Variants in TESK2 observed in about 807,000 individuals in gnomAD.
TESK2 encodes dual specificity testis-specific protein kinase 2.
In TESK2, 39 loss-of-function variants were observed where a neutral mutation model predicts 57.1. The ratio of observed to expected loss-of-function variants is 0.68; its 90% CI spans 0.53 to 0.89. The LOEUF is 0.89. Ranked by LOEUF, TESK2 falls within the 40% of genes least tolerant of loss-of-function variation. The probability of loss-of-function intolerance (pLI) is 0.00; values close to 1 mark genes in which losing one functional copy is unlikely to be tolerated. For synonymous variants in TESK2, 249 were observed against 267.9 expected (o/e 0.93, Z 0.69); for missense variants, 646 against 732.1 (o/e 0.88, Z 1.36).
At chr1:45,465,935 A>T (rs1652532775) in intron 1 of TESK2, among the ~76,000 whole-genome samples, 1 of 152,232 alleles carries the variant, frequency 6.6e-6, no homozygotes, top group African/African-American at 2.4e-5. Flanking sequence ...GTAGTTAGCG[A>T]TATTATTAAA....
intron 8 of TESK2, 42 bp from the exon 9 acceptor site, chr1:45,346,821 T>TC (rs745614998): frequency 6.9e-6 from 11 of 1,587,288 alleles, no homozygotes; most frequent in Non-Finnish European, 8.6e-6. Context: ...AGTTCATTAA[T>TC]CCCCCCACCC....
At chr1:45,459,397 G>A (rs1045208108) in intron 1 of TESK2, among the ~76,000 whole-genome samples, 1 of 152,160 alleles carries the variant, frequency 6.6e-6, no homozygotes, top group Admixed American at 6.5e-5. Flanking sequence ...AGATCTACCT[G>A]AATCTAGTTA....
intron 2 of TESK2, among the ~76,000 whole-genome samples, chr1:45,428,447 T>C (rs1342698344): frequency 6.6e-6 from 1 of 152,150 alleles, no homozygotes; most frequent in Non-Finnish European, 1.5e-5. Flanking sequence ...AACATGGTCT[T>C]GTAATATAGA....
rs527648669 is a variant in TESK2, at chr1:45,347,093, T to A, written c.709-31A>T. 2.5e-6 allele frequency: 4 copies of A among 1,603,554 alleles called. No homozygotes were observed. The Admixed American group carries it at 6.7e-5, about 27-fold the overall frequency. On this transcript the variant is annotated intron_variant, in intron 7 of 10. Coordinates refer to ENST00000372086, the MANE Select transcript of TESK2 (RefSeq NM_007170.3). Reference sequence around the variant, plus strand: ...GGGTAGTCGGACTTTGGTTTCCCTCTTAATGGGTTGAGGGGTAGGGTATCT... The same window carrying A: ...GGGTAGTCGGACTTTGGTTTCCCTCATAATGGGTTGAGGGGTAGGGTATCT...
chr1:45,360,260 G>C (rs1647625057), intron 4 of TESK2, among the ~76,000 whole-genome samples: 1 of 152,212 alleles, frequency 6.6e-6, no homozygotes, highest in Non-Finnish European at 1.5e-5. Flanking sequence ...TAAGTGGGCA[G>C]TGAAGCTGAC....
chr1:45,393,402 A>G (rs1233533693), intron 3 of TESK2, among the ~76,000 whole-genome samples: 1 of 152,126 alleles, frequency 6.6e-6, no homozygotes, highest in Non-Finnish European at 1.5e-5. Context: ...CCACATCCAA[A>G]GTGGTGTCAC....
At chr1:45,384,411 CTATCTATCTATCTATCTATG>C (rs1648791962) in intron 4 of TESK2, among the ~76,000 whole-genome samples, 2 of 151,170 alleles carry the variant, frequency 1.3e-5, no homozygotes, top group Non-Finnish European at 2.9e-5. Context: ...ATCTATCTAT[CTATCTATCTATCTATCTATG>C]TATCTAGAGA....
intron 8 of TESK2, 48 bp from the exon 9 acceptor site, chr1:45,346,827 C>T (rs749351552): frequency 3.8e-6 from 6 of 1,579,534 alleles, no homozygotes; most frequent in African/African-American, 1.3e-5. Context: ...TTAATCCCCC[C>T]ACCCATCCTA....
intron 4 of TESK2, among the ~76,000 whole-genome samples, chr1:45,358,548 G>A (rs1050307322): frequency 6.6e-6 from 1 of 151,992 alleles, no homozygotes; most frequent in Non-Finnish European, 1.5e-5. Flanking sequence ...TATCTAAATT[G>A]TTTCAGGCAC....
chr1:45,383,479 T>A (rs913276844), intron 4 of TESK2, among the ~76,000 whole-genome samples: 1 of 152,164 alleles, frequency 6.6e-6, no homozygotes, highest in Non-Finnish European at 1.5e-5. Context: ...TACTCTTCCA[T>A]AAAGTACACA....
intron 4 of TESK2, 93 bp downstream of exon 4, chr1:45,385,819 A>AT (rs758368342): frequency 7.1e-6 from 6 of 849,244 alleles, no homozygotes; most frequent in East Asian, 2.8e-5. Flanking sequence ...ATGCACATAC[A>AT]TTTTGTTTAC....
chr1:45,398,958 C>T (rs967364225), intron 3 of TESK2: 20 of 429,054 alleles, frequency 4.7e-5, no homozygotes, highest in Admixed American at 3.3e-4. Flanking sequence ...TCCACCTCTA[C>T]CCAACCTCCA....
At chr1:45,382,072 A>G (rs887632818) in intron 4 of TESK2, among the ~76,000 whole-genome samples, 1 of 151,750 alleles carries the variant, frequency 6.6e-6, no homozygotes, top group African/African-American at 2.4e-5. Flanking sequence ...GGGTCTCACT[A>G]TGTTGCCAAG....
chr1:45,348,327 T>C (rs749078263), intron 5 of TESK2, among the ~76,000 whole-genome samples: 4 of 152,222 alleles, frequency 2.6e-5, no homozygotes, highest in Non-Finnish European at 5.9e-5. Flanking sequence ...CTCTTGGAGC[T>C]TGCAATATAG....
At chr1:45,373,088 ATAATACT>A (rs1049881487) in intron 4 of TESK2, among the ~76,000 whole-genome samples, 75 of 152,072 alleles carry the variant, frequency 4.9e-4, no homozygotes, top group Non-Finnish European at 9.7e-4. Flanking sequence ...CAACAACGTG[ATAATACT>A]TAATACTAAC....
intron 2 of TESK2, among the ~76,000 whole-genome samples, chr1:45,439,027 A>G (rs965802082): frequency 5.9e-5 from 9 of 152,174 alleles, no homozygotes; most frequent in African/African-American, 2.2e-4. Flanking sequence ...GCCACCGTAG[A>G]AGCACCAGCA....
chr1:45,344,176 A>G lies in TESK2; in HGVS notation c.*664T>C, dbSNP rs1162598038. ...AGCCCCACTCCCAACCACAAGGTTG[A>G]AAGTCTTATGGGGCAGAACATTAAG... On this transcript the variant is annotated 3_prime_UTR_variant, in exon 11 of 11. Transcript: ENST00000372086. 1 of 161,794 alleles carries G rather than the reference A, an allele frequency of 6.2e-6. No individual in the cohort carries two copies. Among genetic ancestry groups the G allele is most frequent in the Admixed American group, 5.8e-5 (1 of 17,382 alleles). 10.0% of individuals were successfully genotyped at this position (161,794 alleles called of 1,614,324 possible). A position where few individuals can be genotyped will look rare whatever the true frequency, so the allele number is the denominator to read the frequency against.
At chr1:45,346,611 A>G (rs1647147634) in intron 9 of TESK2, 82 bp downstream of exon 9, 13 of 1,192,146 alleles carry the variant, frequency 1.1e-5, no homozygotes, top group South Asian at 2.7e-5. Context: ...GAAGCTAATT[A>G]GCAGCCTCTC....
chr1:45,436,194 T>A (rs1198373832), intron 2 of TESK2, among the ~76,000 whole-genome samples: 3 of 118,722 alleles, frequency 2.5e-5, no homozygotes, highest in African/African-American at 9.1e-5. Context: ...TTTTTTTTTT[T>A]TTTTTTTTGA....
Sources: gnomAD v4.1 joint callset for allele counts (sites outside exome capture counted in the v4.1 genomes callset) on GRCh38, gnomAD v4.1.1 for gene constraint, MANE v1.5 for transcripts, NCBI Gene and HGNC (gene_info 2026-07-23, HGNC 2026-07-21) for gene names.